CLTC: variants seen among roughly 807,000 people sequenced by gnomAD.
The protein encoded by CLTC is clathrin heavy chain 1.
CLTC carries 16 observed loss-of-function variants against 195.8 expected under a neutral mutation model. That is an observed-to-expected ratio of 0.08 (90% confidence interval 0.06 to 0.12). The LOEUF (loss-of-function observed/expected upper bound fraction) is 0.12. Ranked by LOEUF, CLTC falls within the 10% of genes least tolerant of loss-of-function variation. The probability of loss-of-function intolerance (pLI) is 1.00; values close to 1 mark genes in which losing one functional copy is unlikely to be tolerated. For missense variants in CLTC, 796 were observed against 2,027.0 expected (o/e 0.39, Z 11.66); for synonymous variants, 667 against 689.4 (o/e 0.97, Z 0.51).
chr17:59,652,294 C>T (rs1197261361), intron 5 of CLTC, among the ~76,000 whole-genome samples: 1 of 152,186 alleles, frequency 6.6e-6, no homozygotes, highest in Non-Finnish European at 1.5e-5. Context: ...CATCAGTGTT[C>T]TTAGTGGCAT....
rs2033329233 is a variant in CLTC, at chr17:59,692,540, CCAA to C, written c.4904-1183_4904-1181del. On this transcript the variant is annotated intron_variant, in intron 31 of 31. Transcript: ENST00000269122. ...TACAGGTCATGTTTTCTGTATATGG[CCAA>C]CAACTATTTAAACTTTATAAGAAAG... is the stretch of plus-strand genomic sequence containing the variant. 2.6e-5 allele frequency among the ~76,000 whole-genome samples: 4 copies of C among 152,264 alleles called. No homozygotes were observed. The South Asian group carries it at 8.3e-4, about 32-fold the overall frequency.
intron 5 of CLTC, among the ~76,000 whole-genome samples, chr17:59,653,193 T>C (rs1028021408): frequency 7.1e-6 from 1 of 141,378 alleles, no homozygotes; most frequent in Non-Finnish European, 1.6e-5. Context: ...ATTTATTTAT[T>C]TTATTTATTT....
In CLTC at chr17:59,648,159, T is replaced by A; in HGVS notation, c.520-81T>A. 1 of 1,249,550 alleles carries A rather than the reference T, an allele frequency of 8.0e-7. No homozygotes were observed. The highest frequency in any genetic ancestry group is 1.6e-5 in the South Asian group (1 of 62,146). 77.4% of individuals were successfully genotyped at this position (1,249,550 alleles called of 1,614,324 possible). A position where few individuals can be genotyped will look rare whatever the true frequency, so the allele number is the denominator to read the frequency against. On this transcript the variant is annotated intron_variant, in intron 3 of 31. Coordinates refer to ENST00000269122, the MANE Select transcript of CLTC (RefSeq NM_004859.4). This position sits in a 1 kb window ranked among gnomAD's most constrained non-coding sequence, Gnocchi z 4.5. The stretch of plus-strand genomic sequence containing the variant: ...AATCCTGCTAAAGATGACAAAGCAT[T>A]CTAATTATTTCATTACTTGATGAAT...
At chr17:59,636,932 CTTTTTTTTTTT>C (rs771908096) in intron 1 of CLTC, among the ~76,000 whole-genome samples, 2 of 103,672 alleles carry the variant, frequency 1.9e-5, no homozygotes, top group Non-Finnish European at 3.9e-5. Flanking sequence ...CCGGCTAATT[CTTTTTTTTTTT>C]TTTTTTTTTT....
intron 5 of CLTC, among the ~76,000 whole-genome samples, chr17:59,653,785 T>TG (rs2032392057): frequency 6.6e-6 from 1 of 152,002 alleles, no homozygotes; most frequent in Admixed American, 6.5e-5. Context: ...GGTCTTTTTT[T>TG]TTTTTTTGAC....
At chr17:59,674,182 A>G (rs540682221) in intron 15 of CLTC, among the ~76,000 whole-genome samples, 10 of 152,202 alleles carry the variant, frequency 6.6e-5, no homozygotes, top group Non-Finnish European at 1.5e-4. Context: ...TGTGTAAAAT[A>G]TAAGAATAGA....
intron 16 of CLTC, among the ~76,000 whole-genome samples, chr17:59,675,555 A>G (rs1029784898): frequency 3.3e-5 from 5 of 152,148 alleles, no homozygotes; most frequent in African/African-American, 4.8e-5. Flanking sequence ...ATATTCTTAG[A>G]ATTTATATTA....
At chr17:59,692,705 C>T (rs1269726706) in intron 31 of CLTC, among the ~76,000 whole-genome samples, 2 of 152,052 alleles carry the variant, frequency 1.3e-5, no homozygotes, top group East Asian at 1.9e-4. Context: ...GGCGTGATCT[C>T]GGCTCACTGC....
In CLTC at chr17:59,685,705, A is replaced by T. The variant is rs1317993416; in HGVS notation, c.4724A>T (p.Asp1575Val). ...GGAGCTTGTCTGTTTACCTGTTACG[A>T]TCTTTTAAGGCCAGATGTCGTCCTA... The part of the protein sequence containing the change: ...CFGACLFTCY[D>V]LLRPDVVLET... The change falls in exon 30 of 32, where the codon GAT becomes GTT. Residue 1575 changes from aspartate (D) to valine (V), a missense_variant. Coordinates refer to ENST00000269122, the MANE Select transcript of CLTC (RefSeq NM_004859.4). This position sits in a 1 kb window ranked among gnomAD's most constrained non-coding sequence, Gnocchi z 5.0. The T allele has an allele frequency of 6.2e-7, 1 of 1,614,110 alleles. No homozygotes were observed. The highest frequency in any genetic ancestry group is 8.5e-7 in the Non-Finnish European group (1 of 1,179,986).
At chr17:59,667,962 C>T (rs926289861) in intron 13 of CLTC, among the ~76,000 whole-genome samples, 1 of 152,184 alleles carries the variant, frequency 6.6e-6, no homozygotes, top group Non-Finnish European at 1.5e-5. Context: ...AAAATGTTAA[C>T]TGTGCACTAA....
intron 2 of CLTC, among the ~76,000 whole-genome samples, 171 bp downstream of exon 2, chr17:59,644,654 G>T (rs1195462906): frequency 6.6e-6 from 1 of 151,796 alleles, no homozygotes; most frequent in Non-Finnish European, 1.5e-5. Context: ...AGGTTCAAGC[G>T]ATTCTCTTGC....
At chr17:59,657,323 C>T (rs1433768170) in intron 6 of CLTC, among the ~76,000 whole-genome samples, 2 of 152,184 alleles carry the variant, frequency 1.3e-5, no homozygotes, top group African/African-American at 4.8e-5. Flanking sequence ...TAAAATTGCT[C>T]GCTAAGCTGT....
At chr17:59,660,616 A>G (rs372263638) in intron 7 of CLTC, 28 bp downstream of exon 7, 2 of 1,597,942 alleles carry the variant, frequency 1.3e-6, no homozygotes, top group African/African-American at 2.7e-5. Context: ...TGAAGTTGTC[A>G]TGACATTAAT....
chr17:59,683,347 C>G lies in CLTC; in HGVS notation c.4042-40C>G. The G allele has an allele frequency of 8.1e-6, 13 of 1,603,114 alleles. No individual in the cohort carries two copies. Among genetic ancestry groups the G allele is most frequent in the Non-Finnish European group, 1.1e-5 (13 of 1,174,458 alleles). On this transcript the variant is annotated intron_variant, in intron 25 of 31. Coordinates refer to ENST00000269122, the MANE Select transcript of CLTC (RefSeq NM_004859.4). The surrounding 1 kb of genome is among the most constrained non-coding windows in gnomAD (Gnocchi z 6.1). Reference sequence around the variant, plus strand: ...ATCTTATTCTTTTTAAGGCTGTTAGCTAGACTCATATCTAAAGCAATTAAG... The same window carrying G: ...ATCTTATTCTTTTTAAGGCTGTTAGGTAGACTCATATCTAAAGCAATTAAG...
In CLTC at chr17:59,663,964, A is replaced by G; in HGVS notation, c.1491A>G (p.Gln497=). ...KVIQCFAETG[Q]VQKIVLYAKK... is the part of the protein sequence containing the mutation. ...TTCAGTGCTTTGCAGAAACAGGTCAAGTCCAAAAGATTGTTTTATATGCTA... is the reference window on the plus strand; with the variant it reads ...TTCAGTGCTTTGCAGAAACAGGTCAGGTCCAAAAGATTGTTTTATATGCTA... Residue 497 remains glutamine, a synonymous_variant, in exon 9 of 32, where the codon CAA becomes CAG. Coordinates refer to ENST00000269122, the MANE Select transcript of CLTC (RefSeq NM_004859.4). 6.2e-7 allele frequency: 1 copy of G among 1,613,670 alleles called. No homozygotes were observed. The highest frequency in any genetic ancestry group is 2.2e-5 in the East Asian group (1 of 44,854).
intron 17 of CLTC, among the ~76,000 whole-genome samples, chr17:59,678,725 G>GGTGA (rs1273634217): frequency 6.6e-5 from 10 of 152,188 alleles, no homozygotes; most frequent in Non-Finnish European, 1.5e-4. Flanking sequence ...ATCTGGGCCA[G>GGTGA]GTGAGTGGCT....
intron 5 of CLTC, among the ~76,000 whole-genome samples, chr17:59,653,195 T>A (rs1017501701): frequency 8.6e-5 from 13 of 151,090 alleles, no homozygotes; most frequent in Middle Eastern, 3.4e-3. Flanking sequence ...TTATTTATTT[T>A]ATTTATTTTT....
chr17:59,636,295 A>G (rs1455289759), intron 1 of CLTC, among the ~76,000 whole-genome samples: 1 of 152,140 alleles, frequency 6.6e-6, no homozygotes, highest in Middle Eastern at 3.2e-3. Context: ...CTCCCTCTCA[A>G]GTAAGGATGG....
intron 1 of CLTC, among the ~76,000 whole-genome samples, chr17:59,633,691 T>C (rs1372392336): frequency 1.3e-5 from 2 of 152,042 alleles, no homozygotes; most frequent in Non-Finnish European, 2.9e-5. Context: ...TGTACAATAG[T>C]GATGGGGTTG....
Sources: allele counts gnomAD v4.1 joint callset (sites outside exome capture counted in the v4.1 genomes callset), GRCh38; gene constraint gnomAD v4.1.1; non-coding constraint Gnocchi (gnomAD v3.1); transcripts MANE v1.5; gene names NCBI Gene and HGNC (gene_info 2026-07-23, HGNC 2026-07-21).